Variants in ARHGEF37 observed in about 807,000 individuals in gnomAD.
ARHGEF37 encodes the protein Rho guanine nucleotide exchange factor 37.
In ARHGEF37, 55 loss-of-function variants were observed where a neutral mutation model predicts 71.1. That is an observed-to-expected ratio of 0.77 (90% confidence interval 0.62 to 0.97). The LOEUF (loss-of-function observed/expected upper bound fraction) is 0.97. ARHGEF37 is among the 50% of genes least tolerant of loss of function. ARHGEF37 has a pLI of 0.00. For missense variants in ARHGEF37, 765 were observed against 836.8 expected (o/e 0.91, Z 1.06); for synonymous variants, 327 against 350.6 (o/e 0.93, Z 0.75).
upstream of ARHGEF37, among the ~76,000 whole-genome samples, chr5:149,578,897 G>T (rs951929214): frequency 6.6e-6 from 1 of 152,182 alleles, no homozygotes; most frequent in Admixed American, 6.5e-5. Flanking sequence ...TGTGTGACTA[G>T]GGTGAAAGAT....
chr5:149,629,007 C>T, intron 12 of ARHGEF37, 41 bp downstream of exon 12: 2 of 1,586,426 alleles, frequency 1.3e-6, no homozygotes, highest in Non-Finnish European at 1.7e-6. Flanking sequence ...TCCCATCGGC[C>T]ATCCGGACTG....
intron 8 of ARHGEF37, 85 bp from the exon 9 acceptor site, chr5:149,621,648 G>A: frequency 3.1e-6 from 4 of 1,278,588 alleles, no homozygotes; most frequent in Non-Finnish European, 4.4e-6. Flanking sequence ...TGGAATCCAG[G>A]CCTGCATGCT....
chr5:149,601,219 G>A lies in ARHGEF37; in HGVS notation c.298G>A (p.Val100Met). 3.1e-6 allele frequency: 5 copies of A among 1,611,968 alleles called. No individual in the cohort carries two copies. Among genetic ancestry groups the A allele is most frequent in the Non-Finnish European group, 4.2e-6 (5 of 1,178,344 alleles). The change falls in exon 3 of 13, where the codon GTG becomes ATG. Residue 100 changes from valine to methionine, a missense_variant. By Grantham distance (21) the Val-to-Met change is conservative. Around this residue, in one of 5 missense-constraint regions of ARHGEF37, gnomAD observed 201 missense variants for 217.5 expected, o/e 0.92. Transcript: ENST00000333677. ...QETASKEEEQ[V>M]QLVGNIFLEF... ...GACAGCCTCCAAGGAAGAGGAACAA[G>A]TGCAGCTAGTTGGTAAGCAAAAAAC...
chr5:149,570,111 C>T (rs1290562741), intron 1 of ARHGEF37, among the ~76,000 whole-genome samples: 1 of 152,088 alleles, frequency 6.6e-6, no homozygotes, highest in African/African-American at 2.4e-5. Context: ...GTGAAATTTT[C>T]TCTAGTCACG....
At position 149,592,100 on chromosome 5, in the gene ARHGEF37, A is replaced by G. The variant is rs141986307; in HGVS notation, c.-11-5659A>G. Among the ~76,000 whole-genome samples the G allele has an allele frequency of 3.7e-3, 567 of 152,354 alleles. 2 individuals are homozygous for G. Among genetic ancestry groups the G allele is most frequent in the African/African-American group, 0.013 (547 of 41,586 alleles). ...TCACCCATGTTTCCCCAATGGTTAC[A>G]TCTTATTTAAATATAGCACAACATC... On this transcript the variant is annotated intron_variant, in intron 1 of 12. Coordinates refer to ENST00000333677, the MANE Select transcript of ARHGEF37 (RefSeq NM_001001669.3).
In ARHGEF37 at chr5:149,621,760, C is replaced by T. The variant is rs769396372; in HGVS notation, c.1033C>T (p.Gln345Ter). Residue 345 changes from glutamine to a stop codon, truncating the protein, a stop_gained, in exon 9 of 13, where the codon CAG becomes TAG. Coordinates refer to ENST00000333677, the MANE Select transcript of ARHGEF37 (RefSeq NM_001001669.3). LOFTEE classifies it high-confidence loss of function. ...FKQRLEGLVW[Q>*]PLCSLAKALL... is the part of the protein sequence containing the mutation. ...GCAACGGCTAGAAGGCCTGGTGTGGCAGCCACTGTGCAGCCTGGCCAAAGC... is the reference window on the plus strand; with the variant it reads ...GCAACGGCTAGAAGGCCTGGTGTGGTAGCCACTGTGCAGCCTGGCCAAAGC... The T allele has an allele frequency of 8.1e-6, 13 of 1,613,136 alleles. No homozygotes were observed. The South Asian group carries it at 1.4e-4, about 18-fold the overall frequency.
chr5:149,584,272 G>C, intron 1 of ARHGEF37, among the ~76,000 whole-genome samples: 1 of 152,076 alleles, frequency 6.6e-6, no homozygotes, highest in African/African-American at 2.4e-5. Context: ...GGGAAATATG[G>C]CTAAGGACAA....
Position 149,566,389 on chromosome 5 carries a change from C to T in ARHGEF37, c.-12+14266C>T, listed in dbSNP as rs539129725. The stretch of plus-strand genomic sequence containing the variant: ...GCAGGCACCTGTAATCCCAGCTACT[C>T]GGGAGGCTGAGGCAGGAGAATTCAC... On this transcript the variant is annotated intron_variant, in intron 1 of 2. Transcript: ENST00000505810. 6.6e-5 allele frequency among the ~76,000 whole-genome samples: 10 copies of T among 151,954 alleles called. No homozygotes were observed. The East Asian group carries it at 1.4e-3, about 21-fold the overall frequency.
intron 5 of ARHGEF37, among the ~76,000 whole-genome samples, chr5:149,617,189 T>A (rs945701827): frequency 2.0e-5 from 3 of 152,220 alleles, no homozygotes; most frequent in Admixed American, 1.3e-4. Context: ...TTGGCTTAGG[T>A]CTGGGTTATG....
At chr5:149,598,753 TATATAGATATAG>T (rs869032002) in intron 2 of ARHGEF37, among the ~76,000 whole-genome samples, 15 of 85,132 alleles carry the variant, frequency 1.8e-4, no homozygotes, top group African/African-American at 3.3e-4. Context: ...TATATATCTA[TATATAGATATAG>T]ATATAGATAT....
intron 10 of ARHGEF37, among the ~76,000 whole-genome samples, chr5:149,626,719 A>G (rs915414975): frequency 6.6e-5 from 10 of 152,054 alleles, no homozygotes; most frequent in African/African-American, 2.4e-4. Flanking sequence ...TGAAACTCAC[A>G]CTCTAATGGA....
chr5:149,603,548 C>A (rs965376381), intron 3 of ARHGEF37, among the ~76,000 whole-genome samples: 14 of 152,140 alleles, frequency 9.2e-5, no homozygotes, highest in African/African-American at 3.4e-4. Context: ...GTTTATCATT[C>A]CTCTGAAAAT....
At chr5:149,564,543 G>A (rs1762875515) in intron 1 of ARHGEF37, among the ~76,000 whole-genome samples, 1 of 152,066 alleles carries the variant, frequency 6.6e-6, no homozygotes, top group Non-Finnish European at 1.5e-5. Context: ...AGACATCCTC[G>A]GCCGGGCGCG....
At position 149,616,634 on chromosome 5, in the gene ARHGEF37, C is replaced by A. The variant is rs746777805; in HGVS notation, c.526C>A (p.Pro176Thr). ...VIPLQRITRY[P>T]LLLQKILENT... is the part of the protein sequence containing the mutation. ...TCCTCTGCAGAGGATCACCAGGTAC[C>A]CACTGCTGCTGCAGAAAATCCTGGA... The change falls in exon 5 of 13, where the codon CCA becomes ACA. Residue 176 changes from proline (P) to threonine (T), a missense_variant. Pro to Thr is a conservative substitution (Grantham distance 38). This residue lies in a region of ARHGEF37 where 201 missense variants were observed against 217.5 expected (regional missense o/e 0.92). Transcript: ENST00000333677. The A allele has an allele frequency of 2.5e-6, 4 of 1,613,246 alleles. No homozygotes were observed. The South Asian group carries it at 3.3e-5, about 13-fold the overall frequency.
intron 1 of ARHGEF37, among the ~76,000 whole-genome samples, chr5:149,589,295 TTA>T (rs1361714242): frequency 6.6e-6 from 1 of 151,916 alleles, no homozygotes; most frequent in Non-Finnish European, 1.5e-5. Flanking sequence ...AAAAGTTTTA[TTA>T]TGTTTTTAAT....
chr5:149,576,678 C>T (rs929496730), upstream of ARHGEF37, among the ~76,000 whole-genome samples: 5 of 152,104 alleles, frequency 3.3e-5, no homozygotes, highest in African/African-American at 4.8e-5. Context: ...ATCTCAGGGC[C>T]GTGCATGGTG....
intron 3 of ARHGEF37, among the ~76,000 whole-genome samples, chr5:149,604,449 C>T (rs931127857): frequency 1.3e-5 from 2 of 152,104 alleles, no homozygotes; most frequent in African/African-American, 4.8e-5. Context: ...TTTGGCAGTC[C>T]TGTTCCCTGG....
rs1261086926 is a variant in ARHGEF37 at position 149,628,862 on chromosome 5, A to G, written c.1714A>G (p.Ser572Gly). 1 of 1,613,678 alleles carries G rather than the reference A, an allele frequency of 6.2e-7. No individual in the cohort carries two copies. The highest frequency in any genetic ancestry group is 8.5e-7 in the Non-Finnish European group (1 of 1,179,992). Residue 572 changes from serine to glycine, a missense_variant, in exon 12 of 13, where the codon AGT (serine) becomes GGT (glycine). Ser to Gly is a moderately conservative substitution (Grantham distance 56). This residue lies in a region of ARHGEF37 where 390 missense variants were observed against 407.4 expected (regional missense o/e 0.96). Coordinates refer to ENST00000333677, the MANE Select transcript of ARHGEF37 (RefSeq NM_001001669.3). ...ACTACAGCTGTACCATGTGGTCCCC[A>G]GTGCAGAGGAGCTCAGAAGGCAGGC... ...GKLQLYHVVP[S>G]AEELRRQAGL...
chr5:149,564,682 G>A (rs1453555685), intron 1 of ARHGEF37, among the ~76,000 whole-genome samples: 1 of 152,144 alleles, frequency 6.6e-6, no homozygotes, highest in Non-Finnish European at 1.5e-5. Context: ...AAGTTAGCTG[G>A]GCGTGGTGGT....
Sources: allele counts gnomAD v4.1 joint callset (sites outside exome capture counted in the v4.1 genomes callset), GRCh38; gene constraint gnomAD v4.1.1; regional missense constraint gnomAD v4.1.1; transcripts MANE v1.5; gene names NCBI Gene and HGNC (gene_info 2026-07-23, HGNC 2026-07-21).